The following OSCP1 variants were observed in gnomAD, a reference collection of about 807,000 sequenced individuals.
The protein encoded by OSCP1 is protein OSCP1.
Under a neutral mutation model 45.1 loss-of-function variants are expected in OSCP1, and 35 were observed. That is an observed-to-expected ratio of 0.78 (90% CI 0.59 to 1.03). The LOEUF (loss-of-function observed/expected upper bound fraction) is 1.03, where lower values mean the gene tolerates loss of function less well. Ranked by LOEUF, OSCP1 falls within the 50% of genes least tolerant of loss-of-function variation. The pLI is 0.00. For missense variants in OSCP1, 400 were observed against 470.7 expected (o/e 0.85, Z 1.39); for synonymous variants, 179 against 180.1 (o/e 0.99, Z 0.05).
chr1:36,437,789 T>C (rs530307134), intron 2 of OSCP1, among the ~76,000 whole-genome samples: 45 of 152,176 alleles, frequency 3.0e-4, no homozygotes, highest in African/African-American at 1.1e-3. Flanking sequence ...AGTGCTAGGA[T>C]TACAGGTGTG....
At chr1:36,435,095 T>TC (rs1207744285) in intron 2 of OSCP1, among the ~76,000 whole-genome samples, 37 of 118,568 alleles carry the variant, frequency 3.1e-4, no homozygotes, top group African/African-American at 1.1e-3. Flanking sequence ...CTTTTTCTTT[T>TC]TTTTTTTTTT....
chr1:36,450,439 G>C lies in OSCP1; in HGVS notation c.-70C>G. ...TAGCCAGTGGCCTGAAGGCCAGGCC[G>C]CAGCGTCCCAATAGTCCGGTTGCTG... is the stretch of plus-strand genomic sequence containing the variant. On this transcript the variant is annotated 5_prime_UTR_variant, in exon 1 of 10. Coordinates refer to ENST00000235532, the MANE Select transcript of OSCP1 (RefSeq NM_145047.5). 1 of 1,296,112 alleles carries C rather than the reference G, an allele frequency of 7.7e-7. No individual in the cohort carries two copies. 80.3% of individuals were successfully genotyped at this position (1,296,112 alleles called of 1,614,324 possible).
chr1:36,418,389 T>C (rs574644341), intron 9 of OSCP1, 134 bp from the exon 10 acceptor site: 9 of 719,792 alleles, frequency 1.3e-5, no homozygotes, highest in African/African-American at 1.1e-4. Context: ...AGAAAAGGGA[T>C]TGTAGTTACA....
At chr1:36,445,815 A>T (rs1394722048) in intron 1 of OSCP1, among the ~76,000 whole-genome samples, 1 of 151,932 alleles carries the variant, frequency 6.6e-6, no homozygotes, top group East Asian at 1.9e-4. Flanking sequence ...CCCAGGTTCA[A>T]GCGATTCTCC....
intron 1 of OSCP1, chr1:36,441,080 A>C (rs1378760891): frequency 3.3e-5 from 5 of 152,240 alleles, no homozygotes; most frequent in Non-Finnish European, 7.3e-5. Context: ...GGAAGTGAAG[A>C]AGCTCTGGAG....
intron 2 of OSCP1, among the ~76,000 whole-genome samples, chr1:36,436,164 C>T (rs1246117580): frequency 1.4e-5 from 2 of 147,114 alleles, no homozygotes; most frequent in Admixed American, 6.8e-5. Flanking sequence ...AGTGCAGTGG[C>T]GTGATCTCAG....
intron 1 of OSCP1, among the ~76,000 whole-genome samples, chr1:36,441,895 C>T (rs542860968): frequency 9.7e-4 from 147 of 151,616 alleles, no homozygotes; most frequent in African/African-American, 3.3e-3. Flanking sequence ...ATACTTTTCA[C>T]GAGGCCGGAA....
At chr1:36,420,856 C>A (rs1647576647) in intron 7 of OSCP1, among the ~76,000 whole-genome samples, 1 of 152,146 alleles carries the variant, frequency 6.6e-6, no homozygotes, top group African/African-American at 2.4e-5. Context: ...AGAGTGGAAG[C>A]CCCAGGGATC....
chr1:36,447,999 C>T lies in OSCP1; in HGVS notation c.112+2259G>A, dbSNP rs573672396. 281 of 386,422 alleles carry T rather than the reference C, an allele frequency of 7.3e-4. 5 individuals are homozygous for T. The highest frequency in any genetic ancestry group is 4.8e-3 in the South Asian group (266 of 55,578). The allele number at this position is 386,422 out of a possible 1,614,324, so 23.9% of individuals were successfully genotyped here. ...TATAACTCCTAAAGGTAAAGCTGTC[C>T]TCTAGTATTCCAAGGGCCTTGTCCA... On this transcript the variant is annotated intron_variant, in intron 1 of 9. Coordinates refer to ENST00000235532, the MANE Select transcript of OSCP1 (RefSeq NM_145047.5). The surrounding 1 kb of genome is among the most constrained non-coding windows in gnomAD (Gnocchi z 4.1).
At position 36,418,023 on chromosome 1, in the gene OSCP1, C is replaced by G; in HGVS notation, c.*116G>C. On this transcript the variant is annotated 3_prime_UTR_variant, in exon 10 of 10. Transcript: ENST00000235532. ...CCTTACAACATAAATAAGAAATAGA[C>G]GTAATGGCTTCACTCAGTAGAAAAC... 1 of 737,454 alleles carries G rather than the reference C, an allele frequency of 1.4e-6. No homozygotes were observed. 45.7% of individuals were successfully genotyped at this position (737,454 alleles called of 1,614,324 possible). A position where few individuals can be genotyped will look rare whatever the true frequency, so the allele number is the denominator to read the frequency against.
intron 2 of OSCP1, among the ~76,000 whole-genome samples, chr1:36,438,132 A>G (rs1300422123): frequency 1.3e-5 from 2 of 152,096 alleles, no homozygotes; most frequent in Non-Finnish European, 2.9e-5. Context: ...AGCCTGACCA[A>G]CATGGAGAAA....
At chr1:36,433,337 T>A (rs185798274) in intron 2 of OSCP1, among the ~76,000 whole-genome samples, 2 of 152,258 alleles carry the variant, frequency 1.3e-5, no homozygotes, top group Admixed American at 1.3e-4. Context: ...AAACAGTACA[T>A]GTGAGGGCCT....
chr1:36,428,653 G>A (rs761308762), intron 4 of OSCP1, among the ~76,000 whole-genome samples: 2 of 152,146 alleles, frequency 1.3e-5, no homozygotes, highest in Non-Finnish European at 2.9e-5. Context: ...ATTAAAAATT[G>A]TTTTATTTTG....
At chr1:36,448,629 C>T (rs764580927) in intron 1 of OSCP1, among the ~76,000 whole-genome samples, 2 of 152,186 alleles carry the variant, frequency 1.3e-5, no homozygotes, top group African/African-American at 4.8e-5. Context: ...CAGGCCCTTT[C>T]TGCATATGGG....
chr1:36,443,921 G>T, intron 1 of OSCP1: 1 of 1,434,838 alleles, frequency 7.0e-7, no homozygotes, highest in Non-Finnish European at 9.8e-7. Context: ...TGTTTCAAGC[G>T]GTCCCATTTT....
chr1:36,434,079 G>A (rs1399298027), intron 2 of OSCP1, among the ~76,000 whole-genome samples: 1 of 152,122 alleles, frequency 6.6e-6, no homozygotes, highest in East Asian at 1.9e-4. Context: ...GGGTGGGGAG[G>A]GATGATGCTA....
Position 36,418,098 on chromosome 1 carries a change from GCAGCCTC to G in OSCP1, c.*34_*40del, listed in dbSNP as rs773568910. The G allele has an allele frequency of 2.5e-6, 4 of 1,569,438 alleles. No individual in the cohort carries two copies. The highest frequency in any genetic ancestry group is 3.5e-6 in the Non-Finnish European group (4 of 1,141,360). ...GGCATTCCCCAGGGGTCACCATCCA[GCAGCCTC>G]TCCCTGGGGGCAGAGGACGCCTGGT... On this transcript the variant is annotated 3_prime_UTR_variant, in exon 10 of 10. Transcript: ENST00000235532.
At chr1:36,428,189 CAAAAAAAAAAAAAA>C (rs71053930) in intron 4 of OSCP1, 4 of 842,772 alleles carry the variant, frequency 4.7e-6, no homozygotes, top group Non-Finnish European at 5.9e-6. Flanking sequence ...GACTGCATCT[CAAAAAAAAAAAAAA>C]AAAAAAAGAA....
At chr1:36,436,255 C>G (rs1648729423) in intron 2 of OSCP1, among the ~76,000 whole-genome samples, 1 of 151,764 alleles carries the variant, frequency 6.6e-6, no homozygotes, top group South Asian at 2.1e-4. Flanking sequence ...AGGCGCCCAC[C>G]ACCACACCGG....
Sources: gnomAD v4.1 joint callset for allele counts (sites outside exome capture counted in the v4.1 genomes callset) on GRCh38, gnomAD v4.1.1 for gene constraint, Gnocchi (gnomAD v3.1) non-coding constraint, MANE v1.5 for transcripts, NCBI Gene and HGNC (gene_info 2026-07-23, HGNC 2026-07-21) for gene names.